The following TRAPPC9 variants were observed in gnomAD, a reference collection of about 807,000 sequenced individuals.
TRAPPC9 encodes the protein trafficking protein particle complex subunit 9.
TRAPPC9 carries 83 observed loss-of-function variants against 124.0 expected under a neutral mutation model. The ratio of observed to expected loss-of-function variants is 0.67; its 90% confidence interval spans 0.56 to 0.80. The LOEUF (loss-of-function observed/expected upper bound fraction) is 0.80, where lower values mean the gene tolerates loss of function less well. Ranked by LOEUF, TRAPPC9 falls within the 30% of genes least tolerant of loss-of-function variation. The probability of loss-of-function intolerance (pLI) is 0.00; values close to 1 mark genes in which losing one functional copy is unlikely to be tolerated. For missense variants in TRAPPC9, 1,302 were observed against 1,508.3 expected, an observed-to-expected ratio of 0.86 and a Z score of 2.27; for synonymous variants, 638 against 617.5, an observed-to-expected ratio of 1.03 and a Z score of -0.49.
intron 17 of TRAPPC9, among the ~76,000 whole-genome samples, chr8:140,143,350 A>G (rs548240734): frequency 4.6e-5 from 7 of 152,196 alleles, no homozygotes; most frequent in African/African-American, 1.4e-4. Context: ...TCACTGATCT[A>G]TCAGTGGGAC....
intron 21 of TRAPPC9, among the ~76,000 whole-genome samples, chr8:139,854,218 G>C (rs1827665447): frequency 6.6e-6 from 1 of 152,180 alleles, no homozygotes; most frequent in Non-Finnish European, 1.5e-5. Context: ...CCACACTCTG[G>C]AATGTTTTCC....
intron 17 of TRAPPC9, among the ~76,000 whole-genome samples, chr8:140,207,605 A>G (rs938731412): frequency 6.6e-6 from 1 of 152,338 alleles, no homozygotes; most frequent in African/African-American, 2.4e-5. Flanking sequence ...ATAGTTCGTG[A>G]GTCCCACCTA....
chr8:140,354,870 G>A (rs1042593893), intron 9 of TRAPPC9, among the ~76,000 whole-genome samples: 4 of 152,180 alleles, frequency 2.6e-5, no homozygotes, highest in African/African-American at 4.8e-5. Flanking sequence ...TTGATCGGAG[G>A]TTACAGTAAT....
At chr8:139,986,955 T>G (rs1473781173) in intron 19 of TRAPPC9, among the ~76,000 whole-genome samples, 1 of 152,312 alleles carries the variant, frequency 6.6e-6, no homozygotes, top group East Asian at 1.9e-4. Flanking sequence ...GTAAAAGTAA[T>G]GGCAAAAGCC....
chr8:140,036,322 G>A (rs76673287), intron 17 of TRAPPC9, among the ~76,000 whole-genome samples: 4 of 152,152 alleles, frequency 2.6e-5, no homozygotes, highest in African/African-American at 9.7e-5. Context: ...TCACTGCCAG[G>A]TGAAGACTGA....
At chr8:140,339,546 C>A (rs1447731747) in intron 9 of TRAPPC9, among the ~76,000 whole-genome samples, 3 of 152,148 alleles carry the variant, frequency 2.0e-5, no homozygotes, top group Non-Finnish European at 4.4e-5. Context: ...CGTGGAAAGG[C>A]TAAGGATAAA....
intron 7 of TRAPPC9, among the ~76,000 whole-genome samples, chr8:140,392,866 G>A (rs975993887): frequency 2.6e-5 from 4 of 152,100 alleles, no homozygotes; most frequent in African/African-American, 9.7e-5. Flanking sequence ...CAACAAACAG[G>A]AGCTGCCTGC....
chr8:139,906,073 G>A (rs1313909420), intron 20 of TRAPPC9, among the ~76,000 whole-genome samples: 1 of 151,802 alleles, frequency 6.6e-6, no homozygotes, highest in African/African-American at 2.4e-5. Context: ...CCAGCCTGGT[G>A]ACAAAGCAAG....
intron 19 of TRAPPC9, among the ~76,000 whole-genome samples, chr8:139,978,250 C>A (rs1231939254): frequency 1.3e-5 from 2 of 152,142 alleles, no homozygotes; most frequent in South Asian, 2.1e-4. Flanking sequence ...TAACGAAATG[C>A]AAAATGTCCA....
chr8:140,299,737 G>T (rs1470534802), intron 11 of TRAPPC9, among the ~76,000 whole-genome samples: 2 of 152,220 alleles, frequency 1.3e-5, no homozygotes, highest in African/African-American at 2.4e-5. Flanking sequence ...GGACACCAAG[G>T]GACAGGGCCG....
At chr8:139,900,398 C>A (rs983110169) in intron 20 of TRAPPC9, among the ~76,000 whole-genome samples, 2 of 152,198 alleles carry the variant, frequency 1.3e-5, no homozygotes, top group Non-Finnish European at 2.9e-5. Flanking sequence ...CACCACTGCA[C>A]CCTGCAGAGC....
rs79808573 is a variant in TRAPPC9 at position 140,066,095 on chromosome 8, G to A, written c.2557-42016C>T. Reference sequence around the variant, plus strand: ...AAAATAGCAGCATGAAAAGGTGTGTGGAAGAAGTTGAATCCAGACCTCATG... The same window carrying A: ...AAAATAGCAGCATGAAAAGGTGTGTAGAAGAAGTTGAATCCAGACCTCATG... On this transcript the variant is annotated intron_variant, in intron 17 of 22. Transcript: ENST00000438773. 1.0e-2 allele frequency among the ~76,000 whole-genome samples: 1,516 copies of A among 152,330 alleles called. 33 individuals are homozygous for A. Among genetic ancestry groups the A allele is most frequent in the African/African-American group, 0.034 (1,408 of 41,570 alleles).
At chr8:140,005,923 A>AAAGG (rs1838719672) in intron 18 of TRAPPC9, among the ~76,000 whole-genome samples, 2 of 151,450 alleles carry the variant, frequency 1.3e-5, no homozygotes, top group Admixed American at 1.3e-4. Context: ...AAAAAAAAAA[A>AAAGG]AGGAGGAGGA....
chr8:140,045,634 A>AC (rs1435114151), intron 17 of TRAPPC9, among the ~76,000 whole-genome samples: 18 of 92,160 alleles, frequency 2.0e-4, no homozygotes, highest in Admixed American at 1.7e-3. Flanking sequence ...CTCGGCAGAA[A>AC]AAAAAAAAAA....
chr8:140,336,325 G>A (rs935946302), intron 9 of TRAPPC9, among the ~76,000 whole-genome samples: 2 of 152,202 alleles, frequency 1.3e-5, no homozygotes, highest in African/African-American at 4.8e-5. Flanking sequence ...GTGGCTGCAA[G>A]CCAGCCGAGA....
intron 16 of TRAPPC9, among the ~76,000 whole-genome samples, chr8:140,236,128 G>A (rs2131400862): frequency 1.4e-5 from 2 of 147,590 alleles, no homozygotes; most frequent in South Asian, 4.3e-4. Flanking sequence ...TGTCACCCAG[G>A]CTGGAGTGCT....
chr8:140,220,582 G>T (rs1278036075), intron 17 of TRAPPC9, among the ~76,000 whole-genome samples: 3 of 152,132 alleles, frequency 2.0e-5, no homozygotes, highest in Non-Finnish European at 4.4e-5. Context: ...CCATCAACCA[G>T]AACTGGCCTA....
At chr8:139,940,659 CCACTGTCACCCACAGAA>C (rs1171942030) in intron 19 of TRAPPC9, among the ~76,000 whole-genome samples, 129 of 152,320 alleles carry the variant, frequency 8.5e-4, no homozygotes, top group African/African-American at 3.0e-3. Context: ...AATGGCAGCT[CCACTGTCACCCACAGAA>C]CTTCCTCCAA....
chr8:140,115,928 G>C (rs562948942), intron 17 of TRAPPC9, among the ~76,000 whole-genome samples: 1 of 152,310 alleles, frequency 6.6e-6, no homozygotes, highest in Non-Finnish European at 1.5e-5. Context: ...ACCACCTGGC[G>C]CACAACAGGT....
Sources: gnomAD v4.1 joint callset for allele counts (sites outside exome capture counted in the v4.1 genomes callset) on GRCh38, gnomAD v4.1.1 for gene constraint, MANE v1.5 for transcripts, NCBI Gene and HGNC (gene_info 2026-07-23, HGNC 2026-07-21) for gene names.